Variants in KTN1 observed in about 807,000 individuals in gnomAD.
KTN1 encodes the protein kinectin 1.
Under a neutral mutation model 222.5 loss-of-function variants are expected in KTN1, and 130 were observed. The ratio of observed to expected loss-of-function variants is 0.58; its 90% confidence interval spans 0.51 to 0.68. The LOEUF (loss-of-function observed/expected upper bound fraction) is 0.68. KTN1 is among the 30% of genes least tolerant of loss of function. The pLI, the probability that KTN1 is intolerant of heterozygous loss-of-function variation, is 0.00. For synonymous variants in KTN1, 512 were observed against 496.3 expected, an observed-to-expected ratio of 1.03 and a Z score of -0.42; for missense variants, 1,508 against 1,500.4, an observed-to-expected ratio of 1.01 and a Z score of -0.08.
At chr14:55,680,639 G>T in intron 43 of KTN1, 1 of 1,200,014 alleles carries the variant, frequency 8.3e-7, no homozygotes, top group Non-Finnish European at 1.2e-6. Context: ...GAAAAGTTGG[G>T]ATGGACTTCC....
At chr14:55,679,417 G>A (rs563332312) in intron 42 of KTN1, 148 bp from the exon 43 acceptor site, 8 of 651,880 alleles carry the variant, frequency 1.2e-5, no homozygotes, top group Non-Finnish European at 1.8e-5. Flanking sequence ...ATTTCTCTAT[G>A]TGGTTTTTGT....
intron 5 of KTN1, among the ~76,000 whole-genome samples, chr14:55,622,109 A>G (rs1043582758): frequency 6.6e-6 from 1 of 151,980 alleles, no homozygotes; most frequent in East Asian, 1.9e-4. Flanking sequence ...GGCCTCCCAA[A>G]GTGCTGGGAT....
intron 1 of KTN1, among the ~76,000 whole-genome samples, chr14:55,608,133 A>G (rs2140545534): frequency 6.6e-6 from 1 of 151,972 alleles, no homozygotes; most frequent in Non-Finnish European, 1.5e-5. Context: ...CTTTACTTTT[A>G]TTTTTCAGTT....
rs1249407277 is a variant in KTN1 at position 55,612,296 on chromosome 14, A to G, written c.248A>G (p.Asp83Gly). ...TCCGACTCTGAGAGTGTACCTCGAG[A>G]CTTTAAATTATCAGATGCTTTGGCA... ...HESDSESVPR[D>G]FKLSDALAVE... is the part of the protein sequence containing the mutation. Residue 83 changes from aspartate to glycine, a missense_variant, in exon 2 of 44, where the codon GAC becomes GGC. Coordinates refer to ENST00000395314, the MANE Select transcript of KTN1 (RefSeq NM_001079521.2). The G allele has an allele frequency of 1.9e-6, 3 of 1,613,336 alleles. No individual in the cohort carries two copies. Among genetic ancestry groups the G allele is most frequent in the South Asian group, 2.2e-5 (2 of 90,758 alleles).
chr14:55,618,258 GA>G, intron 4 of KTN1, 124 bp downstream of exon 4: 1 of 709,870 alleles, frequency 1.4e-6, no homozygotes, highest in Non-Finnish European at 2.1e-6. Flanking sequence ...CCTTGTGGTA[GA>G]AGACTTATTG....
intron 18 of KTN1, among the ~76,000 whole-genome samples, chr14:55,644,672 A>C (rs2042127076): frequency 6.6e-6 from 1 of 151,828 alleles, no homozygotes; most frequent in African/African-American, 2.4e-5. Context: ...AAGATTATTA[A>C]GTGAAAACTA....
intron 1 of KTN1, among the ~76,000 whole-genome samples, chr14:55,604,190 C>G (rs114124604): frequency 8.6e-4 from 131 of 152,256 alleles, no homozygotes; most frequent in African/African-American, 3.0e-3. Context: ...TCAGTTTATC[C>G]TTTTGTTCAT....
At chr14:55,658,210 A>G (rs2043714327) in intron 29 of KTN1, among the ~76,000 whole-genome samples, 1 of 152,158 alleles carries the variant, frequency 6.6e-6, no homozygotes. Context: ...AGCAGTGCAT[A>G]GGATAAAACC....
chr14:55,626,423 T>C (rs752560083), intron 5 of KTN1, among the ~76,000 whole-genome samples: 5 of 152,188 alleles, frequency 3.3e-5, no homozygotes, highest in Non-Finnish European at 7.3e-5. Flanking sequence ...TGTGTTATCT[T>C]TTCTCTGAGC....
chr14:55,678,289 A>G lies in KTN1; in HGVS notation c.3856-63A>G, dbSNP rs1008175685. 7.3e-6 allele frequency: 7 copies of G among 957,840 alleles called. No homozygotes were observed. The East Asian group carries it at 1.7e-4, about 23-fold the overall frequency. 59.3% of individuals were successfully genotyped at this position (957,840 alleles called of 1,614,324 possible). ...TATCTTCTACAAAATGAATAAAATT[A>G]TTCATTTTTTATGTATTTATCAACT... On this transcript the variant is annotated intron_variant, in intron 41 of 43. Transcript: ENST00000395314.
intron 1 of KTN1, among the ~76,000 whole-genome samples, chr14:55,586,815 G>A (rs934938929): frequency 2.6e-5 from 4 of 152,100 alleles, no homozygotes; most frequent in Non-Finnish European, 5.9e-5. Context: ...TTAGTTATAT[G>A]GAAAGCAGTA....
chr14:55,596,865 G>T (rs1432746432), intron 1 of KTN1, among the ~76,000 whole-genome samples: 1 of 150,630 alleles, frequency 6.6e-6, no homozygotes, highest in South Asian at 2.1e-4. Context: ...ATATATCAAA[G>T]CTACACTTAT....
Position 55,667,338 on chromosome 14 carries a change from T to G in KTN1, c.3267+8T>G. The G allele has an allele frequency of 2.7e-6, 4 of 1,475,482 alleles. No homozygotes were observed. Among genetic ancestry groups the G allele is most frequent in the Non-Finnish European group, 3.7e-6 (4 of 1,069,580 alleles). The allele number at this position is 1,475,482 out of a possible 1,614,324, so 91.4% of individuals were successfully genotyped here. A position where few individuals can be genotyped will look rare whatever the true frequency, so the allele number is the denominator to read the frequency against. Reference sequence around the variant, plus strand: ...TCTGTCCCTTCTAATTTGGTAAGACTAATTTATTATTTTTTTAACATGATG... The same window carrying G: ...TCTGTCCCTTCTAATTTGGTAAGACGAATTTATTATTTTTTTAACATGATG... On this transcript the variant is annotated splice_region_variant and intron_variant, in intron 34 of 43. Coordinates refer to ENST00000395314, the MANE Select transcript of KTN1 (RefSeq NM_001079521.2).
intron 1 of KTN1, among the ~76,000 whole-genome samples, chr14:55,597,280 C>A (rs948068693): frequency 2.6e-5 from 4 of 152,126 alleles, no homozygotes; most frequent in African/African-American, 9.7e-5. Flanking sequence ...TAAAAGTCTT[C>A]AGGGAATGTT....
chr14:55,634,460 T>C (rs903966288), intron 8 of KTN1, 66 bp from the exon 9 acceptor site: 41 of 1,410,046 alleles, frequency 2.9e-5, no homozygotes, highest in South Asian at 4.6e-5. Context: ...TAACAAAGTA[T>C]GTTTTGTTTA....
chr14:55,640,543 A>C (rs2041673041), intron 15 of KTN1, 101 bp downstream of exon 15: 2 of 777,032 alleles, frequency 2.6e-6, no homozygotes, highest in Non-Finnish European at 4.2e-6. Flanking sequence ...GTAAGTAAAA[A>C]ATATAATGGT....
chr14:55,591,059 G>A (rs1444701754), intron 1 of KTN1, among the ~76,000 whole-genome samples: 1 of 149,708 alleles, frequency 6.7e-6, no homozygotes, highest in Non-Finnish European at 1.5e-5. Context: ...TTTCCTGTTG[G>A]ACATTGGGTT....
At chr14:55,591,581 C>CTTTTTT (rs71131297) in intron 1 of KTN1, among the ~76,000 whole-genome samples, 392 of 87,534 alleles carry the variant, frequency 4.5e-3, no homozygotes, top group Middle Eastern at 7.5e-3. Flanking sequence ...TTCTCTCTTT[C>CTTTTTT]TTTTTTTTTT....
intron 5 of KTN1, among the ~76,000 whole-genome samples, chr14:55,619,781 T>G (rs1025107456): frequency 5.9e-5 from 9 of 152,102 alleles, no homozygotes; most frequent in African/African-American, 2.2e-4. Flanking sequence ...GGAGCTACAA[T>G]TCAGGATGAG....
Sources: allele counts gnomAD v4.1 joint callset (sites outside exome capture counted in the v4.1 genomes callset), GRCh38; gene constraint gnomAD v4.1.1; transcripts MANE v1.5; gene names NCBI Gene and HGNC (gene_info 2026-07-23, HGNC 2026-07-21).